PCDH15: variants seen among roughly 807,000 people sequenced by gnomAD.
The protein encoded by PCDH15 is protocadherin related 15, also known as protocadherin-15.
In PCDH15, 129 loss-of-function variants were observed where a neutral mutation model predicts 178.5. The observed-to-expected ratio is 0.72, with a 90% CI of 0.63 to 0.84. The LOEUF (loss-of-function observed/expected upper bound fraction) is 0.84, where lower values mean the gene tolerates loss of function less well. PCDH15 is among the 40% of genes least tolerant of loss of function. PCDH15 has a pLI of 0.00. For synonymous variants in PCDH15, 800 were observed against 732.0 expected (o/e 1.09, Z -1.50); for missense variants, 2,230 against 2,099.9 (o/e 1.06, Z -1.21).
At chr10:54,603,997 G>A (rs1490537736) in intron 2 of PCDH15, among the ~76,000 whole-genome samples, 2 of 151,902 alleles carry the variant, frequency 1.3e-5, no homozygotes, top group East Asian at 3.9e-4. Flanking sequence ...TTGTCAGGAG[G>A]TAATTTTTAA....
chr10:55,569,653 T>C (rs937763803), intron 2 of PCDH15, among the ~76,000 whole-genome samples: 1 of 151,930 alleles, frequency 6.6e-6, no homozygotes, highest in African/African-American at 2.4e-5. Flanking sequence ...TTACTCTGTT[T>C]CTAAGGAAAT....
chr10:54,186,066 C>T (rs1177955845), intron 11 of PCDH15, among the ~76,000 whole-genome samples: 1 of 151,680 alleles, frequency 6.6e-6, no homozygotes. Flanking sequence ...GAAAGAACAG[C>T]AATATAAAGT....
intron 3 of PCDH15, among the ~76,000 whole-genome samples, chr10:54,440,697 T>A (rs1307809574): frequency 6.6e-6 from 1 of 151,996 alleles, no homozygotes; most frequent in Admixed American, 6.6e-5. Context: ...TGATAACTGC[T>A]CAATATTTTG....
intron 3 of PCDH15, among the ~76,000 whole-genome samples, chr10:54,820,903 G>T (rs978348175): frequency 6.6e-6 from 1 of 151,836 alleles, no homozygotes; most frequent in East Asian, 1.9e-4. Context: ...GACCCTCAAA[G>T]AACTTTTAAA....
At position 55,046,089 on chromosome 10, in the gene PCDH15, C is replaced by T. The variant is rs138267027; in HGVS notation, c.-80+120487G>A. Reference sequence around the variant, plus strand: ...TTACTCCCTCTCTATGTACTATGTACTAAGCATACAGAGGGATTTGCTCAT... The same window carrying T: ...TTACTCCCTCTCTATGTACTATGTATTAAGCATACAGAGGGATTTGCTCAT... On this transcript the variant is annotated intron_variant, in intron 2 of 5. Transcript: ENST00000458638. Among the ~76,000 whole-genome samples the T allele has an allele frequency of 2.2e-3, 335 of 152,152 alleles. 1 individual carries two copies. Among genetic ancestry groups the T allele is most frequent in the African/African-American group, 7.7e-3 (322 of 41,560 alleles).
chr10:55,399,915 T>G (rs542479652), intron 2 of PCDH15, among the ~76,000 whole-genome samples: 5 of 152,222 alleles, frequency 3.3e-5, no homozygotes, highest in Admixed American at 3.3e-4. Flanking sequence ...CCCCACATAT[T>G]ATTATTTTGG....
chr10:55,316,092 T>C (rs1025166228), intron 1 of PCDH15, among the ~76,000 whole-genome samples: 1 of 152,186 alleles, frequency 6.6e-6, no homozygotes, highest in Non-Finnish European at 1.5e-5. Flanking sequence ...GATCTAAAAA[T>C]GTTTTTTTGT....
intron 18 of PCDH15, among the ~76,000 whole-genome samples, chr10:54,050,949 C>A (rs1262029318): frequency 2.0e-5 from 3 of 152,104 alleles, no homozygotes; most frequent in Admixed American, 2.0e-4. Context: ...CTCAAAAGAT[C>A]TGATGTTTTA....
intron 2 of PCDH15, among the ~76,000 whole-genome samples, chr10:54,622,677 A>C (rs1289985729): frequency 4.6e-5 from 1 of 21,588 alleles, no homozygotes; most frequent in African/African-American, 1.9e-4. Context: ...ATTATATATA[A>C]TATATATTAT....
chr10:54,477,816 C>A (rs1312911844), intron 3 of PCDH15, among the ~76,000 whole-genome samples: 1 of 152,050 alleles, frequency 6.6e-6, no homozygotes, highest in Non-Finnish European at 1.5e-5. Flanking sequence ...CTCCTGAGCT[C>A]AAGAGATCTG....
chr10:54,246,309 A>T (rs2055918317), intron 8 of PCDH15, among the ~76,000 whole-genome samples: 3 of 151,942 alleles, frequency 2.0e-5, no homozygotes. Context: ...CCACTTATTA[A>T]ATTATCTACT....
chr10:55,143,718 C>T (rs1838416720), intron 2 of PCDH15, among the ~76,000 whole-genome samples: 1 of 151,890 alleles, frequency 6.6e-6, no homozygotes, highest in African/African-American at 2.4e-5. Context: ...TTTTGAGTCC[C>T]CTGACTTGAA....
chr10:55,023,070 T>A (rs996193308), intron 2 of PCDH15, among the ~76,000 whole-genome samples: 1 of 152,052 alleles, frequency 6.6e-6, no homozygotes, highest in African/African-American at 2.4e-5. Context: ...GCCTCCCGAG[T>A]AGCTGGGACT....
chr10:54,600,217 G>C, intron 2 of PCDH15: 2 of 599,336 alleles, frequency 3.3e-6, no homozygotes, highest in East Asian at 6.9e-5. Context: ...CTTGGAGAAA[G>C]AGACCAAAGA....
intron 5 of PCDH15, among the ~76,000 whole-genome samples, chr10:54,356,384 A>C (rs936157925): frequency 2.0e-5 from 3 of 151,994 alleles, no homozygotes; most frequent in African/African-American, 7.2e-5. Context: ...AAAAATTGAA[A>C]ACTAAACTTG....
intron 2 of PCDH15, among the ~76,000 whole-genome samples, chr10:54,658,080 C>A (rs2094437928): frequency 6.6e-6 from 1 of 151,686 alleles, no homozygotes; most frequent in African/African-American, 2.4e-5. Flanking sequence ...CCCTGTCACA[C>A]AAATATAAAG....
At chr10:55,313,281 C>T (rs1843636327) in intron 1 of PCDH15, among the ~76,000 whole-genome samples, 1 of 152,020 alleles carries the variant, frequency 6.6e-6, no homozygotes, top group Admixed American at 6.6e-5. Context: ...TAAAACAAAT[C>T]CTCTTCAGTA....
At chr10:54,687,371 T>C (rs567581546) in intron 1 of PCDH15, among the ~76,000 whole-genome samples, 1 of 152,322 alleles carries the variant, frequency 6.6e-6, no homozygotes, top group African/African-American at 2.4e-5. Context: ...CTTATGCTCA[T>C]TGCGACTCTA....
chr10:54,008,004 GGA>G (rs2092441956), intron 20 of PCDH15, among the ~76,000 whole-genome samples: 1 of 152,066 alleles, frequency 6.6e-6, no homozygotes. Context: ...CTTAAAAAAA[GGA>G]TAATAATATT....
Sources: gnomAD v4.1 joint callset for allele counts (sites outside exome capture counted in the v4.1 genomes callset) on GRCh38, gnomAD v4.1.1 for gene constraint, MANE v1.5 for transcripts, NCBI Gene and HGNC (gene_info 2026-07-23, HGNC 2026-07-21) for gene names.